The following LRP1B variants were observed in gnomAD, a reference collection of about 807,000 sequenced individuals.
LRP1B encodes low-density lipoprotein receptor-related protein 1B.
LRP1B carries 217 observed loss-of-function variants against 556.6 expected under a neutral mutation model. The ratio of observed to expected loss-of-function variants is 0.39; its 90% CI spans 0.35 to 0.44. The LOEUF is 0.44. Among genes scored for constraint, LRP1B ranks in the 20% least tolerant of loss-of-function variants. LRP1B has a pLI of 1.00. For synonymous variants in LRP1B, 2,047 were observed against 1,865.8 expected (o/e 1.10, Z -2.50); for missense variants, 5,053 against 5,620.8 (o/e 0.90, Z 3.23).
intron 61 of LRP1B, 76 bp from the exon 62 acceptor site, chr2:140,456,679 GACTTTTAAGCTGCATA>G: frequency 7.5e-7 from 1 of 1,336,268 alleles, no homozygotes; most frequent in South Asian, 1.5e-5. Flanking sequence ...TTAGAGATAG[GACTTTTAAGCTGCATA>G]ACTTGAATTA....
At chr2:141,825,848 A>G (rs1696902061) in intron 1 of LRP1B, among the ~76,000 whole-genome samples, 2 of 152,216 alleles carry the variant, frequency 1.3e-5, no homozygotes, top group African/African-American at 2.4e-5. Flanking sequence ...ACCCAAAGGA[A>G]TATAAATTAA....
At chr2:141,559,449 C>T (rs1686068360) in intron 2 of LRP1B, among the ~76,000 whole-genome samples, 1 of 151,612 alleles carries the variant, frequency 6.6e-6, no homozygotes, top group Non-Finnish European at 1.5e-5. Flanking sequence ...CACTTTATAT[C>T]AGATTAGATT....
intron 41 of LRP1B, among the ~76,000 whole-genome samples, chr2:140,643,723 C>G (rs1684382611): frequency 6.6e-6 from 1 of 152,132 alleles, no homozygotes; most frequent in Non-Finnish European, 1.5e-5. Flanking sequence ...CAAAATCAAA[C>G]AATTTTGTTA....
chr2:141,319,301 T>TG (rs1352321267), intron 3 of LRP1B, among the ~76,000 whole-genome samples: 2 of 118,100 alleles, frequency 1.7e-5, no homozygotes, highest in African/African-American at 7.3e-5. Context: ...AAAGCAGTGT[T>TG]TTTTTGTTGT....
chr2:141,900,955 G>A (rs1231873412), intron 1 of LRP1B, among the ~76,000 whole-genome samples: 1 of 151,852 alleles, frequency 6.6e-6, no homozygotes, highest in African/African-American at 2.4e-5. Flanking sequence ...GGACTTGCAG[G>A]GACATGCTTT....
At chr2:141,455,861 A>G (rs1336588798) in intron 3 of LRP1B, among the ~76,000 whole-genome samples, 1 of 152,240 alleles carries the variant, frequency 6.6e-6, no homozygotes, top group Admixed American at 6.5e-5. Context: ...TCATTCAAAG[A>G]ATAATGAGAT....
At chr2:141,646,433 A>T (rs907296625) in intron 2 of LRP1B, among the ~76,000 whole-genome samples, 1 of 152,146 alleles carries the variant, frequency 6.6e-6, no homozygotes, top group Non-Finnish European at 1.5e-5. Flanking sequence ...GCAAATGCTC[A>T]TTGAGGGCCT....
chr2:141,963,201 A>G (rs1447189295), intron 1 of LRP1B, among the ~76,000 whole-genome samples: 3 of 151,886 alleles, frequency 2.0e-5, no homozygotes, highest in Non-Finnish European at 4.4e-5. Flanking sequence ...TTTTCCTCCT[A>G]TTTGAACTCT....
intron 1 of LRP1B, among the ~76,000 whole-genome samples, chr2:141,959,262 G>T (rs1234015926): frequency 6.6e-6 from 1 of 151,934 alleles, no homozygotes; most frequent in African/African-American, 2.4e-5. Flanking sequence ...TACTCAGAAA[G>T]GTGGCAGCCT....
chr2:141,641,324 T>C (rs1287336145), intron 2 of LRP1B, among the ~76,000 whole-genome samples: 1 of 152,116 alleles, frequency 6.6e-6, no homozygotes, highest in African/African-American at 2.4e-5. Context: ...CATTAGACCA[T>C]ATTATATGAT....
Position 141,031,051 on chromosome 2 carries a change from C to T in LRP1B, c.1790-10949G>A, listed in dbSNP as rs1448910968. ...AAAAACCACAAACCTCCTACATATT[C>T]AGAATAATTGATATGAAATGTCTGG... On this transcript the variant is annotated intron_variant, in intron 11 of 90. Coordinates refer to ENST00000389484, the MANE Select transcript of LRP1B (RefSeq NM_018557.3). Among the ~76,000 whole-genome samples, 4 of 151,820 alleles carry T rather than the reference C, an allele frequency of 2.6e-5. No homozygotes were observed. In the East Asian group the frequency reaches 7.7e-4, roughly 29 times the overall value.
At chr2:141,749,804 C>T (rs1241261681) in intron 2 of LRP1B, among the ~76,000 whole-genome samples, 2 of 152,064 alleles carry the variant, frequency 1.3e-5, no homozygotes, top group African/African-American at 2.4e-5. Flanking sequence ...AATTATGAAC[C>T]TCCTGTGAGG....
intron 1 of LRP1B, among the ~76,000 whole-genome samples, chr2:141,835,596 C>A: frequency 6.6e-6 from 1 of 151,688 alleles, no homozygotes; most frequent in East Asian, 1.9e-4. Context: ...ATAAGTGAAG[C>A]AGTATAACAT....
chr2:140,872,794 C>T (rs1248747855), intron 25 of LRP1B, among the ~76,000 whole-genome samples: 2 of 151,618 alleles, frequency 1.3e-5, no homozygotes, highest in African/African-American at 4.8e-5. Context: ...GGCTATTTAG[C>T]TGACAACTGC....
intron 2 of LRP1B, among the ~76,000 whole-genome samples, chr2:141,504,379 G>T (rs927069009): frequency 6.6e-6 from 1 of 151,842 alleles, no homozygotes; most frequent in African/African-American, 2.4e-5. Flanking sequence ...TTACAACTTC[G>T]GCTTGTAGAT....
At chr2:142,087,040 A>G (rs1052360862) in intron 1 of LRP1B, among the ~76,000 whole-genome samples, 5 of 152,042 alleles carry the variant, frequency 3.3e-5, no homozygotes, top group African/African-American at 1.2e-4. Context: ...AGCTGATGAT[A>G]AAGGTCAGTT....
intron 41 of LRP1B, among the ~76,000 whole-genome samples, chr2:140,686,250 A>G (rs1686048884): frequency 6.6e-6 from 1 of 152,108 alleles, no homozygotes; most frequent in Admixed American, 6.5e-5. Flanking sequence ...GAGGAGGTAA[A>G]TGCTTTACAA....
At chr2:140,670,695 TA>T (rs1685449772) in intron 41 of LRP1B, among the ~76,000 whole-genome samples, 1 of 8,854 alleles carries the variant, frequency 1.1e-4, no homozygotes, top group Non-Finnish European at 8.9e-4. Flanking sequence ...TACAAAAAAA[TA>T]TAAGAGCAGT....
At chr2:141,283,291 T>A (rs2105392266) in intron 3 of LRP1B, among the ~76,000 whole-genome samples, 1 of 152,160 alleles carries the variant, frequency 6.6e-6, no homozygotes, top group South Asian at 2.1e-4. Flanking sequence ...TAGAAATGTA[T>A]CAGGCTGAGA....
Sources: allele counts gnomAD v4.1 joint callset (sites outside exome capture counted in the v4.1 genomes callset), GRCh38; gene constraint gnomAD v4.1.1; transcripts MANE v1.5; gene names NCBI Gene and HGNC (gene_info 2026-07-23, HGNC 2026-07-21).